The following TMEM232 variants were observed in gnomAD, a reference collection of about 807,000 sequenced individuals.
TMEM232 encodes transmembrane protein 232.
In TMEM232, 80 loss-of-function variants were observed where a neutral mutation model predicts 78.8. That is an observed-to-expected ratio of 1.01 (90% CI 0.85 to 1.22). TMEM232 has a LOEUF of 1.22. Among genes scored for constraint, TMEM232 ranks in the 50% most tolerant of loss-of-function variants. The pLI, the probability that TMEM232 is intolerant of heterozygous loss-of-function variation, is 0.00. For synonymous variants in TMEM232, 297 were observed against 254.3 expected (o/e 1.17, Z -1.60); for missense variants, 881 against 742.2 (o/e 1.19, Z -2.17).
intron 8 of TMEM232, among the ~76,000 whole-genome samples, chr5:110,611,657 C>T (rs1782296991): frequency 1.3e-5 from 2 of 152,064 alleles, no homozygotes; most frequent in South Asian, 2.1e-4. Context: ...ATTGGGGCTG[C>T]AGCTTCCGTA....
At chr5:110,720,870 A>G (rs1360412442) in intron 1 of TMEM232, 1 of 152,164 alleles carries the variant, frequency 6.6e-6, no homozygotes, top group Non-Finnish European at 1.5e-5. Context: ...AGTCTTTCAG[A>G]TGAGTTCTAA....
intron 11 of TMEM232, among the ~76,000 whole-genome samples, chr5:110,558,420 T>C (rs1353974552): frequency 6.6e-6 from 1 of 151,882 alleles, no homozygotes; most frequent in African/African-American, 2.4e-5. Context: ...AGGCTATAAG[T>C]GGGTGTTACT....
At chr5:110,585,465 T>G (rs190899990) in intron 10 of TMEM232, among the ~76,000 whole-genome samples, 1 of 152,224 alleles carries the variant, frequency 6.6e-6, no homozygotes, top group South Asian at 2.1e-4. Context: ...GTTGAAGCAG[T>G]GTTGACAGGG....
At chr5:110,610,199 C>CAAGGAAGGAAGG (rs200771122) in intron 8 of TMEM232, among the ~76,000 whole-genome samples, 1 of 49,186 alleles carries the variant, frequency 2.0e-5, no homozygotes, top group Non-Finnish European at 4.0e-5. Flanking sequence ...AAGGAAGGAA[C>CAAGGAAGGAAGG]AAGGAAGGAA....
At chr5:110,410,735 A>G (rs1755965209) in intron 2 of TMEM232, among the ~76,000 whole-genome samples, 1 of 152,192 alleles carries the variant, frequency 6.6e-6, no homozygotes, top group Non-Finnish European at 1.5e-5. Flanking sequence ...TCCTTAAACA[A>G]AAAAGTGAGG....
At chr5:110,524,260 CAAA>C (rs111668182) in intron 12 of TMEM232, among the ~76,000 whole-genome samples, 2 of 59,504 alleles carry the variant, frequency 3.4e-5, no homozygotes, top group East Asian at 3.3e-4. Flanking sequence ...GACTCAGTCT[CAAA>C]AAAAAAAAAA....
At chr5:110,511,154 T>G (rs1359982480) in intron 12 of TMEM232, among the ~76,000 whole-genome samples, 1 of 152,116 alleles carries the variant, frequency 6.6e-6, no homozygotes, top group African/African-American at 2.4e-5. Flanking sequence ...GAGACATGGA[T>G]GAAGCTGGAA....
At chr5:110,645,946 A>C (rs937233727) in intron 2 of TMEM232, among the ~76,000 whole-genome samples, 1 of 151,750 alleles carries the variant, frequency 6.6e-6, no homozygotes, top group Admixed American at 6.6e-5. Context: ...GAAATGGAGA[A>C]AACAATCCTA....
At chr5:110,697,893 C>T (rs377659413) in intron 1 of TMEM232, among the ~76,000 whole-genome samples, 1 of 152,076 alleles carries the variant, frequency 6.6e-6, no homozygotes, top group Non-Finnish European at 1.5e-5. Flanking sequence ...TCCTCAAGGA[C>T]CTAGAACTAG....
In TMEM232 at chr5:110,528,603, A is replaced by G; in HGVS notation, c.1688T>C (p.Leu563Pro). The G allele has an allele frequency of 6.5e-7, 1 of 1,530,694 alleles. No homozygotes were observed. The highest frequency in any genetic ancestry group is 1.2e-5 in the South Asian group (1 of 82,904). The allele number at this position is 1,530,694 out of a possible 1,614,324, so 94.8% of individuals were successfully genotyped here. A position where few individuals can be genotyped will look rare whatever the true frequency, so the allele number is the denominator to read the frequency against. The change falls in exon 12 of 14, where the codon CTA becomes CCA. Residue 563 changes from leucine to proline, a missense_variant. Leu to Pro is a moderately conservative substitution (Grantham distance 98). Coordinates refer to ENST00000455884, the MANE Select transcript of TMEM232 (RefSeq NM_001039763.4). ...KKLESVKKQV[L>P]HFTVREHPSV... is the part of the protein sequence containing the mutation. ...TTCTCTTTACCTTACAGTGAAATGT[A>G]GAACTTGCTTTTTCACAGACTCCAG...
chr5:110,506,461 C>T (rs1316305661), intron 12 of TMEM232, among the ~76,000 whole-genome samples: 1 of 152,212 alleles, frequency 6.6e-6, no homozygotes, highest in African/African-American at 2.4e-5. Flanking sequence ...AGTAGTTGTC[C>T]ACACACTGGA....
At chr5:110,534,331 GA>G (rs2149551201) in intron 11 of TMEM232, among the ~76,000 whole-genome samples, 1 of 152,282 alleles carries the variant, frequency 6.6e-6, no homozygotes, top group East Asian at 1.9e-4. Context: ...CAGTCTTCAA[GA>G]AAAGTAGAAC....
intron 12 of TMEM232, among the ~76,000 whole-genome samples, chr5:110,437,789 G>A (rs1410137320): frequency 5.3e-5 from 8 of 152,106 alleles, no homozygotes; most frequent in African/African-American, 1.2e-4. Context: ...TGATGAATAC[G>A]AAGAATAAGA....
At chr5:110,431,209 G>A (rs1757803502) in intron 12 of TMEM232, among the ~76,000 whole-genome samples, 1 of 151,540 alleles carries the variant, frequency 6.6e-6, no homozygotes, top group Admixed American at 6.6e-5. Flanking sequence ...AAGAAGCCAA[G>A]CAAAGAAGTC....
chr5:110,564,541 A>G (rs921140915), intron 11 of TMEM232, among the ~76,000 whole-genome samples: 1 of 152,030 alleles, frequency 6.6e-6, no homozygotes, highest in Non-Finnish European at 1.5e-5. Flanking sequence ...AAAACTTAAA[A>G]GTAAGATAGA....
intron 12 of TMEM232, among the ~76,000 whole-genome samples, chr5:110,519,341 T>C (rs1769158656): frequency 6.6e-6 from 1 of 152,072 alleles, no homozygotes; most frequent in Admixed American, 6.6e-5. Context: ...AAGAATTACC[T>C]TAGAAGAAGC....
In TMEM232 at chr5:110,627,738, T is replaced by C. The variant is rs1342535729; in HGVS notation, c.601+43A>G. 6 of 1,291,188 alleles carry C rather than the reference T, an allele frequency of 4.6e-6. No homozygotes were observed. The African/African-American group carries it at 6.1e-5, about 13-fold the overall frequency. The allele number at this position is 1,291,188 out of a possible 1,614,324, so 80.0% of individuals were successfully genotyped here. A position where few individuals can be genotyped will look rare whatever the true frequency, so the allele number is the denominator to read the frequency against. ...GTGACAGTCTGAGCTTATCAAAATATAACATAAAACATTTATAAGTGTAAA... is the reference window on the plus strand; with the variant it reads ...GTGACAGTCTGAGCTTATCAAAATACAACATAAAACATTTATAAGTGTAAA... On this transcript the variant is annotated intron_variant, in intron 6 of 13. Transcript: ENST00000455884.
At chr5:110,633,453 C>T (rs1329902019) in intron 5 of TMEM232, among the ~76,000 whole-genome samples, 1 of 152,070 alleles carries the variant, frequency 6.6e-6, no homozygotes, top group Admixed American at 6.6e-5. Context: ...TGTGTTCCTA[C>T]CCAAATCTCA....
chr5:110,626,532 G>C (rs1011756573), intron 6 of TMEM232, among the ~76,000 whole-genome samples: 1 of 151,572 alleles, frequency 6.6e-6, no homozygotes, highest in Non-Finnish European at 1.5e-5. Context: ...TCTTTATCTT[G>C]AGCCTCTCCT....
Sources: allele counts gnomAD v4.1 joint callset (sites outside exome capture counted in the v4.1 genomes callset), GRCh38; gene constraint gnomAD v4.1.1; transcripts MANE v1.5; gene names NCBI Gene and HGNC (gene_info 2026-07-23, HGNC 2026-07-21).